The following FGD5 variants were observed in gnomAD, a reference collection of about 807,000 sequenced individuals.
FGD5 encodes the protein FYVE, RhoGEF and PH domain-containing protein 5.
FGD5 carries 28 observed loss-of-function variants against 133.4 expected under a neutral mutation model. The ratio of observed to expected loss-of-function variants is 0.21; its 90% CI spans 0.16 to 0.29. The LOEUF (loss-of-function observed/expected upper bound fraction) is 0.29. Ranked by LOEUF, FGD5 falls within the 10% of genes least tolerant of loss-of-function variation. The probability of loss-of-function intolerance (pLI) is 1.00; values close to 1 mark genes in which losing one functional copy is unlikely to be tolerated. For missense variants in FGD5, 1,858 were observed against 1,895.2 expected (o/e 0.98, Z 0.36); for synonymous variants, 810 against 776.5 (o/e 1.04, Z -0.72).
chr3:14,836,726 G>A (rs921593150), intron 1 of FGD5, among the ~76,000 whole-genome samples: 3 of 152,164 alleles, frequency 2.0e-5, no homozygotes, highest in African/African-American at 4.8e-5. Flanking sequence ...CCTCAGAAAG[G>A]CCCAGGAGAG....
rs974618821 is a variant in FGD5, at chr3:14,933,425, T to C, written c.*258T>C. 6.0e-6 allele frequency: 3 copies of C among 501,826 alleles called. No homozygotes were observed. Among genetic ancestry groups the C allele is most frequent in the African/African-American group, 1.9e-5 (1 of 52,114 alleles). The allele number at this position is 501,826 out of a possible 1,614,324, so 31.1% of individuals were successfully genotyped here. On this transcript the variant is annotated 3_prime_UTR_variant, in exon 20 of 20. Coordinates refer to ENST00000285046, the MANE Select transcript of FGD5 (RefSeq NM_152536.4). ...CCACCCGCCACCCAGTAATAAACTA[T>C]TTCCTTACCCCGCAGTGAGTTAAAA...
chr3:14,867,818 G>A (rs1044575919), intron 2 of FGD5, among the ~76,000 whole-genome samples: 1 of 152,206 alleles, frequency 6.6e-6, no homozygotes, highest in African/African-American at 2.4e-5. Flanking sequence ...TAGTCACATC[G>A]TGTGGGACGT....
At chr3:14,829,067 T>C (rs140767379) in intron 1 of FGD5, among the ~76,000 whole-genome samples, 41 of 152,194 alleles carry the variant, frequency 2.7e-4, no homozygotes, top group Admixed American at 6.5e-4. Flanking sequence ...ATGTTGGGAT[T>C]ACAGGTGTGA....
chr3:14,926,235 C>T, intron 18 of FGD5, 37 bp downstream of exon 18: 1 of 1,609,828 alleles, frequency 6.2e-7, no homozygotes, highest in South Asian at 1.1e-5. Context: ...TCTCCTCTCT[C>T]CTGTGAAATG....
chr3:14,850,896 GC>G lies in FGD5; in HGVS notation c.2526-13231del, dbSNP rs1249773474. Among the ~76,000 whole-genome samples the G allele has an allele frequency of 3.3e-5, 5 of 152,246 alleles. No homozygotes were observed. In the East Asian group the frequency reaches 9.6e-4, roughly 29 times the overall value. On this transcript the variant is annotated intron_variant, in intron 1 of 19. Coordinates refer to ENST00000285046, the MANE Select transcript of FGD5 (RefSeq NM_152536.4). The stretch of plus-strand genomic sequence containing the variant: ...GATAGATGGGAAACTGCAAATGTAT[GC>G]ATGGGCCAGGGAGTTGGTTTGGCTG...
At chr3:14,826,338 T>C (rs1019967736) in intron 1 of FGD5, among the ~76,000 whole-genome samples, 6 of 151,648 alleles carry the variant, frequency 4.0e-5, no homozygotes, top group African/African-American at 9.7e-5. Context: ...CCCACTGCCC[T>C]CATCCATTAG....
chr3:14,864,283 C>T (rs751337668), intron 2 of FGD5, 23 bp downstream of exon 2: 30 of 1,613,428 alleles, frequency 1.9e-5, no homozygotes, highest in East Asian at 2.2e-5. Flanking sequence ...ACAGGTAGGC[C>T]GTGGGCATCG....
intron 11 of FGD5, among the ~76,000 whole-genome samples, chr3:14,913,306 G>A (rs963313290): frequency 2.0e-5 from 3 of 152,132 alleles, no homozygotes; most frequent in Admixed American, 6.5e-5. Context: ...CTCCCTTCCC[G>A]CTGACAGTTG....
Position 14,917,429 on chromosome 3 carries a change from T to C in FGD5, c.3489+97T>C. 3.5e-6 allele frequency: 4 copies of C among 1,127,920 alleles called. No individual in the cohort carries two copies. The highest frequency in any genetic ancestry group is 5.1e-6 in the Non-Finnish European group (4 of 778,340). 69.9% of individuals were successfully genotyped at this position (1,127,920 alleles called of 1,614,324 possible). On this transcript the variant is annotated intron_variant, in intron 12 of 19. Transcript: ENST00000285046. This position sits in a 1 kb window ranked among gnomAD's most constrained non-coding sequence, Gnocchi z 4.1. ...TGCTCCCAGGAGCACCCAGACCAGC[T>C]GGAAGAGGGAGGCCCTGCGGAAACA...
intron 2 of FGD5, among the ~76,000 whole-genome samples, chr3:14,878,243 G>A (rs566606160): frequency 6.6e-6 from 1 of 152,232 alleles, no homozygotes; most frequent in South Asian, 2.1e-4. Context: ...AAACACTGAG[G>A]CTCAGAGATA....
chr3:14,865,464 A>T (rs962307226), intron 2 of FGD5, among the ~76,000 whole-genome samples: 10 of 152,228 alleles, frequency 6.6e-5, no homozygotes, highest in African/African-American at 2.4e-4. Flanking sequence ...GGAGCCCTCA[A>T]GAGAGTTACT....
At chr3:14,814,420 AT>A (rs2036338972), upstream of FGD5, among the ~76,000 whole-genome samples, 1 of 152,302 alleles carries the variant, frequency 6.6e-6, no homozygotes, top group African/African-American at 2.4e-5. Flanking sequence ...TCTAGGCAGA[AT>A]TGCCCTTAGA....
At chr3:14,841,692 G>T (rs2036924367) in intron 1 of FGD5, among the ~76,000 whole-genome samples, 1 of 152,086 alleles carries the variant, frequency 6.6e-6, no homozygotes, top group South Asian at 2.1e-4. Context: ...CAGGGCTTTG[G>T]AGCAGTCTGC....
chr3:14,881,564 G>A (rs1423048486), intron 4 of FGD5, among the ~76,000 whole-genome samples: 3 of 152,222 alleles, frequency 2.0e-5, no homozygotes, highest in Non-Finnish European at 4.4e-5. Flanking sequence ...AGAGGGCACA[G>A]CAAAGACTCG....
intron 1 of FGD5, among the ~76,000 whole-genome samples, chr3:14,833,587 G>A (rs2036759463): frequency 6.6e-6 from 1 of 152,104 alleles, no homozygotes; most frequent in African/African-American, 2.4e-5. Context: ...TGAGCTCTTG[G>A]GGTCATTTTT....
chr3:14,824,945 T>A (rs1376436677), intron 1 of FGD5, among the ~76,000 whole-genome samples: 4 of 152,274 alleles, frequency 2.6e-5, no homozygotes, highest in African/African-American at 9.6e-5. Flanking sequence ...GTTAAAGACA[T>A]GCTTGCACCA....
intron 2 of FGD5, among the ~76,000 whole-genome samples, chr3:14,869,018 G>A (rs1213944306): frequency 6.6e-6 from 1 of 152,160 alleles, no homozygotes. Flanking sequence ...CTGGCAGCCA[G>A]GCACGGTGGC....
chr3:14,892,414 C>T (rs2038047352), intron 4 of FGD5, among the ~76,000 whole-genome samples: 1 of 152,026 alleles, frequency 6.6e-6, no homozygotes. Context: ...AGGCTGGTCT[C>T]CATCCAACTC....
chr3:14,886,193 A>C (rs1484728650), intron 4 of FGD5, among the ~76,000 whole-genome samples: 1 of 152,242 alleles, frequency 6.6e-6, no homozygotes, highest in East Asian at 1.9e-4. Flanking sequence ...TATCCCAGGC[A>C]GGAAGAAGGA....
Sources: allele counts gnomAD v4.1 joint callset (sites outside exome capture counted in the v4.1 genomes callset), GRCh38; gene constraint gnomAD v4.1.1; non-coding constraint Gnocchi (gnomAD v3.1); transcripts MANE v1.5; gene names NCBI Gene and HGNC (gene_info 2026-07-23, HGNC 2026-07-21).